Variants in SMAD9 observed in about 807,000 individuals in gnomAD.
The protein encoded by SMAD9 is MAD homolog 9.
In SMAD9, 36 loss-of-function variants were observed where a neutral mutation model predicts 46.1. The observed-to-expected ratio is 0.78, with a 90% confidence interval of 0.60 to 1.03. SMAD9 has a LOEUF of 1.03. Among genes scored for constraint, SMAD9 ranks in the 50% least tolerant of loss-of-function variants. The pLI, the probability that SMAD9 is intolerant of heterozygous loss-of-function variation, is 0.00. For missense variants in SMAD9, 572 were observed against 599.8 expected (o/e 0.95, Z 0.48); for synonymous variants, 245 against 237.1 (o/e 1.03, Z -0.31).
chr13:36,897,986 A>G (rs1402194655), intron 1 of SMAD9, among the ~76,000 whole-genome samples: 1 of 151,208 alleles, frequency 6.6e-6, no homozygotes, highest in Non-Finnish European at 1.5e-5. Context: ...CCTCCCGAGT[A>G]GCTAGGACTA....
chr13:36,902,131 T>C (rs1593617440), intron 1 of SMAD9, among the ~76,000 whole-genome samples: 1 of 152,214 alleles, frequency 6.6e-6, no homozygotes, highest in African/African-American at 2.4e-5. Context: ...GTTTAGGTTA[T>C]TGATCATTTT....
chr13:36,883,598 A>G (rs1176368986), intron 1 of SMAD9, among the ~76,000 whole-genome samples: 1 of 152,154 alleles, frequency 6.6e-6, no homozygotes, highest in Non-Finnish European at 1.5e-5. Flanking sequence ...AAAAAATACA[A>G]AAGTTAATTG....
intron 1 of SMAD9, among the ~76,000 whole-genome samples, chr13:36,898,448 A>T (rs1438216262): frequency 6.6e-6 from 1 of 151,614 alleles, no homozygotes; most frequent in Admixed American, 6.6e-5. Flanking sequence ...AAATCTTATA[A>T]GATATTAGAA....
chr13:36,872,741 G>C lies in SMAD9; in HGVS notation c.587C>G (p.Ala196Gly). 1.2e-6 allele frequency: 2 copies of C among 1,614,012 alleles called. No homozygotes were observed. Among genetic ancestry groups the C allele is most frequent in the East Asian group, 4.5e-5 (2 of 44,848 alleles). ...CSALPPSPSH[A>G]FSQSPCTASY... ...GGCCGTGCACGGGGACTGGGAGAAC[G>C]CGTGGCTGGGTGAGGGAGGGAGTGC... is the stretch of plus-strand genomic sequence containing the variant. The change falls in exon 3 of 7, where the codon GCG (alanine) becomes GGG (glycine). Residue 196 changes from alanine to glycine, a missense_variant. Ala to Gly is a moderately conservative substitution (Grantham distance 60). Transcript: ENST00000379826.
At chr13:36,917,009 T>C (rs1203863952) in intron 1 of SMAD9, among the ~76,000 whole-genome samples, 4 of 151,868 alleles carry the variant, frequency 2.6e-5, no homozygotes, top group Non-Finnish European at 5.9e-5. Flanking sequence ...CCTGGAAAAG[T>C]GGTCTTGGGT....
At chr13:36,854,829 A>C (rs1196710196) in intron 5 of SMAD9, among the ~76,000 whole-genome samples, 1 of 152,216 alleles carries the variant, frequency 6.6e-6, no homozygotes. Context: ...TCAGAGATCT[A>C]TTTCAATTAA....
At chr13:36,851,552 A>C in intron 6 of SMAD9, 1 of 157,848 alleles carries the variant, frequency 6.3e-6, no homozygotes, top group Non-Finnish European at 1.4e-5. Flanking sequence ...CTGAGGTCAG[A>C]GATCTGTGAG....
At chr13:36,866,042 T>C (rs958519470) in intron 4 of SMAD9, among the ~76,000 whole-genome samples, 4 of 152,052 alleles carry the variant, frequency 2.6e-5, no homozygotes, top group African/African-American at 7.2e-5. Context: ...AGGGAAAACA[T>C]GACATGAACA....
At chr13:36,856,947 C>A (rs899353586) in intron 5 of SMAD9, among the ~76,000 whole-genome samples, 1 of 151,816 alleles carries the variant, frequency 6.6e-6, no homozygotes, top group Non-Finnish European at 1.5e-5. Flanking sequence ...GGATTACAGG[C>A]GCCTGCCACC....
upstream of SMAD9, chr13:36,920,307 G>C (rs1378319852): frequency 2.2e-4 from 26 of 118,372 alleles, no homozygotes; most frequent in African/African-American, 6.5e-4. Context: ...CCCTGCTTGC[G>C]GCCCGCCCCC....
chr13:36,881,539 G>A (rs917302987), intron 1 of SMAD9, among the ~76,000 whole-genome samples: 1 of 152,122 alleles, frequency 6.6e-6, no homozygotes, highest in Non-Finnish European at 1.5e-5. Context: ...CCACAATAAC[G>A]GATGAGATTT....
intron 1 of SMAD9, among the ~76,000 whole-genome samples, chr13:36,892,882 A>G (rs903188076): frequency 6.6e-6 from 1 of 152,220 alleles, no homozygotes; most frequent in Non-Finnish European, 1.5e-5. Flanking sequence ...CCAGTCTTCT[A>G]GAAACACTGG....
At chr13:36,904,485 G>A (rs929045344) in intron 1 of SMAD9, among the ~76,000 whole-genome samples, 24 of 152,200 alleles carry the variant, frequency 1.6e-4, no homozygotes, top group Middle Eastern at 3.4e-3. Flanking sequence ...TTCCCTGGAC[G>A]GCAGTGACAG....
chr13:36,859,755 G>A (rs967133846), intron 5 of SMAD9, among the ~76,000 whole-genome samples: 1 of 152,186 alleles, frequency 6.6e-6, no homozygotes, highest in Non-Finnish European at 1.5e-5. Flanking sequence ...GAGGTCGGGA[G>A]TTTGAGACCA....
chr13:36,895,498 A>G (rs566279761), intron 1 of SMAD9, among the ~76,000 whole-genome samples: 6 of 152,308 alleles, frequency 3.9e-5, no homozygotes, highest in Admixed American at 2.6e-4. Flanking sequence ...TCAAATTGTG[A>G]TGACAACCAA....
intron 2 of SMAD9, among the ~76,000 whole-genome samples, chr13:36,875,856 A>T (rs1217389811): frequency 6.6e-6 from 1 of 152,208 alleles, no homozygotes; most frequent in Non-Finnish European, 1.5e-5. Context: ...CCAAGAGAAA[A>T]GAAAGGATAC....
chr13:36,915,254 T>A (rs2058689903), intron 1 of SMAD9, among the ~76,000 whole-genome samples: 1 of 152,178 alleles, frequency 6.6e-6, no homozygotes, highest in Non-Finnish European at 1.5e-5. Context: ...ATGTATGCTA[T>A]CCAGATTCCT....
chr13:36,891,999 G>C (rs952829650), intron 1 of SMAD9, among the ~76,000 whole-genome samples: 1 of 152,142 alleles, frequency 6.6e-6, no homozygotes, highest in African/African-American at 2.4e-5. Flanking sequence ...ATTGTAATGA[G>C]CTCTGTACCT....
At chr13:36,918,178 G>C (rs946152503) in intron 1 of SMAD9, among the ~76,000 whole-genome samples, 1 of 152,202 alleles carries the variant, frequency 6.6e-6, no homozygotes, top group Non-Finnish European at 1.5e-5. Context: ...TTTTAAAGGA[G>C]AAAAGCCAAA....
Sources: allele counts gnomAD v4.1 joint callset (sites outside exome capture counted in the v4.1 genomes callset), GRCh38; gene constraint gnomAD v4.1.1; transcripts MANE v1.5; gene names NCBI Gene and HGNC (gene_info 2026-07-23, HGNC 2026-07-21).